Variants in ARHGAP5 observed in about 807,000 individuals in gnomAD.
ARHGAP5 encodes rho GTPase-activating protein 5.
ARHGAP5 carries 23 observed loss-of-function variants against 116.6 expected under a neutral mutation model. The observed-to-expected ratio is 0.20, with a 90% CI of 0.14 to 0.28. The LOEUF (loss-of-function observed/expected upper bound fraction) is 0.28, where lower values mean the gene tolerates loss of function less well. Ranked by LOEUF, ARHGAP5 falls within the 10% of genes least tolerant of loss-of-function variation. The probability of loss-of-function intolerance (pLI) is 1.00; values close to 1 mark genes in which losing one functional copy is unlikely to be tolerated. For missense variants in ARHGAP5, 1,405 were observed against 1,774.8 expected, an observed-to-expected ratio of 0.79 and a Z score of 3.74; for synonymous variants, 574 against 602.0, an observed-to-expected ratio of 0.95 and a Z score of 0.68.
chr14:32,083,903 C>T (rs1157385162), intron 1 of ARHGAP5, among the ~76,000 whole-genome samples: 4 of 152,094 alleles, frequency 2.6e-5, no homozygotes, highest in Admixed American at 6.5e-5. Context: ...GGTAGACTTT[C>T]CTATATGTAC....
In ARHGAP5 at chr14:32,133,095, T is replaced by G. The variant is rs530338388; in HGVS notation, c.3866-13168T>G. Among the ~76,000 whole-genome samples, 3 of 152,362 alleles carry G rather than the reference T, an allele frequency of 2.0e-5. No individual in the cohort carries two copies. In the South Asian group the frequency reaches 6.2e-4, roughly 32 times the overall value. Reference sequence around the variant, plus strand: ...CTCTTTTTTGGTTCCATATGAACTTTAAAGTAGTTTTTTCCAATTCTGTGA... The same window carrying G: ...CTCTTTTTTGGTTCCATATGAACTTGAAAGTAGTTTTTTCCAATTCTGTGA... On this transcript the variant is annotated intron_variant, in intron 3 of 6. Coordinates refer to ENST00000345122, the MANE Select transcript of ARHGAP5 (RefSeq NM_001030055.2).
intron 3 of ARHGAP5, among the ~76,000 whole-genome samples, chr14:32,121,065 T>C (rs1879866475): frequency 7.2e-6 from 1 of 138,702 alleles, no homozygotes. Flanking sequence ...ACACCCAGGC[T>C]GAAGTGCAGA....
chr14:32,078,498 A>AT (rs1432214666), intron 1 of ARHGAP5, among the ~76,000 whole-genome samples: 2 of 152,002 alleles, frequency 1.3e-5, no homozygotes, highest in African/African-American at 4.8e-5. Context: ...TCGATCATTT[A>AT]TTTTTTCCTT....
Position 32,092,384 on chromosome 14 carries a change from T to A in ARHGAP5, c.1715T>A (p.Leu572His). ...ACAGACATTAAAGTGGAGCAGTTACTTGCTAGTAGTCTTTTACAGTTGGAT... is the reference window on the plus strand; with the variant it reads ...ACAGACATTAAAGTGGAGCAGTTACATGCTAGTAGTCTTTTACAGTTGGAT... The part of the protein sequence containing the change: ...NCTDIKVEQL[L>H]ASSLLQLDHG... The change falls in exon 2 of 7, where the codon CTT becomes CAT. Residue 572 changes from leucine to histidine, a missense_variant. Leu to His is a moderately conservative substitution (Grantham distance 99). Coordinates refer to ENST00000345122, the MANE Select transcript of ARHGAP5 (RefSeq NM_001030055.2). This position sits in a 1 kb window ranked among gnomAD's most constrained non-coding sequence, Gnocchi z 4.1. 1 of 1,613,472 alleles carries A rather than the reference T, an allele frequency of 6.2e-7. No individual in the cohort carries two copies. The highest frequency in any genetic ancestry group is 8.5e-7 in the Non-Finnish European group (1 of 1,179,728).
chr14:32,126,998 CTTT>C (rs772990418), intron 3 of ARHGAP5, among the ~76,000 whole-genome samples: 10 of 134,480 alleles, frequency 7.4e-5, no homozygotes, highest in African/African-American at 1.1e-4. Flanking sequence ...AATATGATAT[CTTT>C]TTTTTTTTTT....
rs1357860948 is a variant in ARHGAP5, at chr14:32,159,023, G to C, written c.*4075G>C. The C allele has an allele frequency of 6.6e-6, 1 of 152,050 alleles. No individual in the cohort carries two copies. Among genetic ancestry groups the C allele is most frequent in the Non-Finnish European group, 1.5e-5 (1 of 67,934 alleles). The allele number at this position is 152,050 out of a possible 1,614,324, so 9.4% of individuals were successfully genotyped here. ...TGTCAGGGGGAGAGGAGTGGGAAGA[G>C]TCACAGAATCTCATATTCACATCTT... is the stretch of plus-strand genomic sequence containing the variant. On this transcript the variant is annotated 3_prime_UTR_variant, in exon 7 of 7. Coordinates refer to ENST00000345122, the MANE Select transcript of ARHGAP5 (RefSeq NM_001030055.2).
chr14:32,138,591 A>C (rs1174653643), intron 3 of ARHGAP5, among the ~76,000 whole-genome samples: 1 of 152,108 alleles, frequency 6.6e-6, no homozygotes, highest in Non-Finnish European at 1.5e-5. Context: ...GCCAACTCTT[A>C]CTAGTATTTT....
At chr14:32,124,688 G>C (rs1880054985) in intron 3 of ARHGAP5, among the ~76,000 whole-genome samples, 1 of 152,180 alleles carries the variant, frequency 6.6e-6, no homozygotes, top group African/African-American at 2.4e-5. Flanking sequence ...GTACATTCAT[G>C]TTTGGACATG....
At chr14:32,113,538 G>C (rs948388943) in intron 2 of ARHGAP5, among the ~76,000 whole-genome samples, 3 of 152,208 alleles carry the variant, frequency 2.0e-5, no homozygotes, top group African/African-American at 4.8e-5. Flanking sequence ...TGTAACTGCA[G>C]ATTTAAATAA....
chr14:32,088,179 C>T (rs190874578), intron 1 of ARHGAP5, among the ~76,000 whole-genome samples: 4 of 151,832 alleles, frequency 2.6e-5, no homozygotes, highest in South Asian at 4.2e-4. Context: ...AGACAAGGGA[C>T]GGTTTTACTT....
At chr14:32,094,744 G>C (rs1024307963) in intron 2 of ARHGAP5, among the ~76,000 whole-genome samples, 1 of 151,994 alleles carries the variant, frequency 6.6e-6, no homozygotes, top group Non-Finnish European at 1.5e-5. Context: ...TGACATACCT[G>C]TCTCACTCAA....
At chr14:32,127,685 G>A (rs1043061902) in intron 3 of ARHGAP5, among the ~76,000 whole-genome samples, 9 of 152,156 alleles carry the variant, frequency 5.9e-5, no homozygotes, top group Non-Finnish European at 1.5e-5. Flanking sequence ...ATGAGCTGTT[G>A]GGTACACCTC....
intron 4 of ARHGAP5, among the ~76,000 whole-genome samples, chr14:32,149,246 GC>G (rs949500571): frequency 4.6e-5 from 7 of 150,776 alleles, no homozygotes; most frequent in African/African-American, 1.5e-4. Flanking sequence ...AAACTCCTGG[GC>G]TCAAGTGATC....
chr14:32,127,822 G>A (rs1158055866), intron 3 of ARHGAP5, among the ~76,000 whole-genome samples: 3 of 151,900 alleles, frequency 2.0e-5, no homozygotes, highest in African/African-American at 4.8e-5. Context: ...CGGGGTGGCC[G>A]GGCGGAGATG....
At chr14:32,120,881 T>C (rs1050227556) in intron 3 of ARHGAP5, among the ~76,000 whole-genome samples, 14 of 152,148 alleles carry the variant, frequency 9.2e-5, no homozygotes, top group Non-Finnish European at 2.1e-4. Context: ...TGTTTAACTT[T>C]TGTAAAATTA....
rs192638225 is a variant in ARHGAP5, at chr14:32,158,943, C to G, written c.*3995C>G. 6.6e-6 allele frequency: 1 copy of G among 152,164 alleles called. No homozygotes were observed. The highest frequency in any genetic ancestry group is 2.4e-5 in the African/African-American group (1 of 41,562). The allele number at this position is 152,164 out of a possible 1,614,324, so 9.4% of individuals were successfully genotyped here. On this transcript the variant is annotated 3_prime_UTR_variant, in exon 7 of 7. Coordinates refer to ENST00000345122, the MANE Select transcript of ARHGAP5 (RefSeq NM_001030055.2). Reference sequence around the variant, plus strand: ...GAGTCTTCACTATTCAATTGATCCTCATCATTGTCCTATTTGCATGACTCC... The same window carrying G: ...GAGTCTTCACTATTCAATTGATCCTGATCATTGTCCTATTTGCATGACTCC...
At chr14:32,088,875 T>G (rs560919057) in intron 1 of ARHGAP5, among the ~76,000 whole-genome samples, 1 of 152,086 alleles carries the variant, frequency 6.6e-6, no homozygotes, top group South Asian at 2.1e-4. Flanking sequence ...TAGATATAGC[T>G]CTGTTTTATA....
At chr14:32,148,763 A>G (rs1218132338) in intron 4 of ARHGAP5, among the ~76,000 whole-genome samples, 1 of 152,214 alleles carries the variant, frequency 6.6e-6, no homozygotes, top group East Asian at 1.9e-4. Context: ...GAAACATGCT[A>G]AACTGTAAAC....
intron 3 of ARHGAP5, among the ~76,000 whole-genome samples, chr14:32,135,604 G>T (rs1191692039): frequency 1.3e-5 from 2 of 152,168 alleles, no homozygotes; most frequent in Non-Finnish European, 1.5e-5. Context: ...TGTATTTTTA[G>T]TAGAGACAGG....
Sources: gnomAD v4.1 joint callset for allele counts (sites outside exome capture counted in the v4.1 genomes callset) on GRCh38, gnomAD v4.1.1 for gene constraint, Gnocchi (gnomAD v3.1) non-coding constraint, MANE v1.5 for transcripts, NCBI Gene and HGNC (gene_info 2026-07-23, HGNC 2026-07-21) for gene names.